The following UPP2 variants were observed in gnomAD, a reference collection of about 807,000 sequenced individuals.
UPP2 encodes the protein UPase 2.
Under a neutral mutation model 26.7 loss-of-function variants are expected in UPP2, and 23 were observed. That is an observed-to-expected ratio of 0.86 (90% CI 0.62 to 1.22). The LOEUF (loss-of-function observed/expected upper bound fraction) is 1.22, where lower values mean the gene tolerates loss of function less well. Among genes scored for constraint, UPP2 ranks in the 50% most tolerant of loss-of-function variants. UPP2 has a pLI of 0.00. For missense variants in UPP2, 387 were observed against 396.7 expected (o/e 0.98, Z 0.21); for synonymous variants, 127 against 141.3 (o/e 0.90, Z 0.72).
chr2:158,042,839 G>T (rs1236721295), intron 3 of UPP2, among the ~76,000 whole-genome samples: 1 of 152,146 alleles, frequency 6.6e-6, no homozygotes, highest in Non-Finnish European at 1.5e-5. Flanking sequence ...CACACTGTTG[G>T]TGGGGAGGAG....
At chr2:158,111,560 T>G (rs968021403) in intron 2 of UPP2, among the ~76,000 whole-genome samples, 2 of 152,194 alleles carry the variant, frequency 1.3e-5, no homozygotes. Flanking sequence ...TTAGACACTT[T>G]GCATTTAATG....
intron 3 of UPP2, among the ~76,000 whole-genome samples, chr2:158,087,104 T>C: frequency 6.6e-6 from 1 of 152,208 alleles, no homozygotes; most frequent in Non-Finnish European, 1.5e-5. Context: ...CCCCCACTAT[T>C]AATATGTTGC....
intron 6 of UPP2, among the ~76,000 whole-genome samples, chr2:158,125,933 TGTGTAA>T (rs1315625999): frequency 6.6e-6 from 1 of 152,216 alleles, no homozygotes; most frequent in Non-Finnish European, 1.5e-5. Flanking sequence ...CTCCACCTAA[TGTGTAA>T]GTGTAACATA....
chr2:158,008,972 CT>C (rs1683535219), intron 2 of UPP2, among the ~76,000 whole-genome samples: 1 of 152,084 alleles, frequency 6.6e-6, no homozygotes, highest in South Asian at 2.1e-4. Context: ...TATAAAAGTG[CT>C]TTTTCTCCCC....
intron 3 of UPP2, among the ~76,000 whole-genome samples, chr2:158,037,280 C>A (rs1684018039): frequency 6.6e-6 from 1 of 152,010 alleles, no homozygotes; most frequent in Non-Finnish European, 1.5e-5. Flanking sequence ...GAGGCTGAGG[C>A]AGGAGAATCG....
chr2:157,995,757 C>T (rs1683315478), intron 2 of UPP2, among the ~76,000 whole-genome samples: 1 of 151,644 alleles, frequency 6.6e-6, no homozygotes, highest in African/African-American at 2.4e-5. Context: ...AAATGGTGGG[C>T]ATAATTTTTT....
chr2:158,072,097 C>T (rs376455852), intron 3 of UPP2, among the ~76,000 whole-genome samples: 45 of 152,248 alleles, frequency 3.0e-4, no homozygotes, highest in African/African-American at 1.1e-3. Context: ...GGAGAGCCCA[C>T]TGCCCTGAAG....
At chr2:158,010,718 A>T (rs1203739767) in intron 2 of UPP2, among the ~76,000 whole-genome samples, 1 of 152,068 alleles carries the variant, frequency 6.6e-6, no homozygotes, top group African/African-American at 2.4e-5. Flanking sequence ...AAAAGGTAAT[A>T]CAATGAGTTC....
intron 3 of UPP2, among the ~76,000 whole-genome samples, chr2:158,060,876 G>A (rs749120561): frequency 5.9e-5 from 9 of 152,156 alleles, no homozygotes; most frequent in African/African-American, 9.7e-5. Context: ...CCTGATCTTC[G>A]ACTTCCGGCC....
chr2:158,088,721 A>G (rs1682858197), intron 3 of UPP2, among the ~76,000 whole-genome samples: 2 of 152,092 alleles, frequency 1.3e-5, no homozygotes, highest in African/African-American at 4.8e-5. Context: ...GTGGCTTCCT[A>G]GAGCTGAACT....
Position 158,102,115 on chromosome 2 carries a change from A to G in UPP2, c.52A>G (p.Thr18Ala), listed in dbSNP as rs1441236785. Residue 18 changes from threonine to alanine, a missense_variant, in exon 1 of 7, where the codon ACA becomes GCA. Transcript: ENST00000005756. ...SNRSMRSDRN[T>A]YVGKRFVHVK... The stretch of plus-strand genomic sequence containing the variant: ...TAGGTCCATGAGATCTGACAGGAAT[A>G]CATATGTTGGGTGAGTAATTTTGAT... The G allele has an allele frequency of 6.2e-7, 1 of 1,612,950 alleles. No homozygotes were observed. Among genetic ancestry groups the G allele is most frequent in the Admixed American group, 1.7e-5 (1 of 59,900 alleles).
intron 3 of UPP2, among the ~76,000 whole-genome samples, chr2:158,052,818 G>A (rs1682181650): frequency 6.6e-6 from 1 of 152,036 alleles, no homozygotes; most frequent in Admixed American, 6.6e-5. Flanking sequence ...AGGTTTGTTG[G>A]GCCATAATGT....
At chr2:158,081,687 C>T (rs867306027) in intron 3 of UPP2, among the ~76,000 whole-genome samples, 6 of 152,078 alleles carry the variant, frequency 3.9e-5, no homozygotes, top group South Asian at 2.1e-4. Flanking sequence ...AACTGGAGCA[C>T]ATTAATAAGC....
At chr2:158,047,100 T>C (rs1372519766) in intron 3 of UPP2, among the ~76,000 whole-genome samples, 1 of 152,262 alleles carries the variant, frequency 6.6e-6, no homozygotes, top group Non-Finnish European at 1.5e-5. Flanking sequence ...TTTTGGTTAA[T>C]AGTCGAAGTC....
intron 6 of UPP2, among the ~76,000 whole-genome samples, chr2:158,125,042 C>T (rs986214512): frequency 3.3e-5 from 5 of 152,064 alleles, no homozygotes; most frequent in Non-Finnish European, 7.4e-5. Flanking sequence ...CTTGCTTAAA[C>T]GTTAAAAGTT....
At chr2:158,129,765 T>G (rs919603362) in intron 6 of UPP2, among the ~76,000 whole-genome samples, 2 of 148,564 alleles carry the variant, frequency 1.3e-5, no homozygotes, top group Admixed American at 6.7e-5. Flanking sequence ...GAAGGTTTTT[T>G]TTTGTTTGTT....
intron 3 of UPP2, among the ~76,000 whole-genome samples, chr2:158,084,984 T>A (rs1682790290): frequency 6.6e-6 from 1 of 152,166 alleles, no homozygotes; most frequent in South Asian, 2.1e-4. Flanking sequence ...CAGACTCTTT[T>A]TTTGTTACAT....
rs1299199224 is a variant in UPP2, at chr2:158,115,179, G to A, written c.259G>A (p.Ala87Thr). The A allele has an allele frequency of 6.2e-7, 1 of 1,613,600 alleles. No homozygotes were observed. The highest frequency in any genetic ancestry group is 8.5e-7 in the Non-Finnish European group (1 of 1,179,848). Residue 87 changes from alanine to threonine, a missense_variant, in exon 3 of 7, where the codon GCT (alanine) becomes ACT (threonine). Ala to Thr is a moderately conservative substitution (Grantham distance 58). Transcript: ENST00000005756. ...GCACAAGGAGCTCGGGTTTGAGGAAGCTGAAGAAGACATAAAAGACATCTG... is the reference window on the plus strand; with the variant it reads ...GCACAAGGAGCTCGGGTTTGAGGAAACTGAAGAAGACATAAAAGACATCTG... ...FMHKELGFEE[A>T]EEDIKDICAG...
intron 3 of UPP2, among the ~76,000 whole-genome samples, chr2:158,039,895 G>A (rs1325030414): frequency 3.3e-5 from 5 of 152,224 alleles, no homozygotes; most frequent in Non-Finnish European, 7.3e-5. Context: ...GAGGCCCCAG[G>A]GGAGGGGTGC....
Sources: allele counts gnomAD v4.1 joint callset (sites outside exome capture counted in the v4.1 genomes callset), GRCh38; gene constraint gnomAD v4.1.1; transcripts MANE v1.5; gene names NCBI Gene and HGNC (gene_info 2026-07-23, HGNC 2026-07-21).